Variants in SIM1 observed in about 807,000 individuals in gnomAD.
SIM1 encodes SIM bHLH transcription factor 1.
In SIM1, 18 loss-of-function variants were observed where a neutral mutation model predicts 78.2. The observed-to-expected ratio is 0.23, with a 90% CI of 0.16 to 0.34. The LOEUF is 0.34. SIM1 is among the 10% of genes least tolerant of loss of function. The pLI is 1.00. For synonymous variants in SIM1, 417 were observed against 385.2 expected (o/e 1.08, Z -0.97); for missense variants, 939 against 975.1 (o/e 0.96, Z 0.49).
At chr6:100,461,549 G>C (rs776824598) in intron 2 of SIM1, among the ~76,000 whole-genome samples, 1 of 152,228 alleles carries the variant, frequency 6.6e-6, no homozygotes, top group Non-Finnish European at 1.5e-5. Context: ...AATAATTGAC[G>C]AGACCGGCTG....
At chr6:100,426,770 C>T (rs1413080391) in intron 9 of SIM1, among the ~76,000 whole-genome samples, 1 of 152,168 alleles carries the variant, frequency 6.6e-6, no homozygotes, top group African/African-American at 2.4e-5. Context: ...ATTCCACTTT[C>T]ATTTTAGATT....
chr6:100,399,894 A>T (rs1770863783), intron 10 of SIM1, among the ~76,000 whole-genome samples: 1 of 152,078 alleles, frequency 6.6e-6, no homozygotes. Flanking sequence ...AAAAGGCTAA[A>T]AATAAAGGGA....
intron 3 of SIM1, among the ~76,000 whole-genome samples, chr6:100,451,233 C>A (rs1323633272): frequency 6.6e-6 from 1 of 152,102 alleles, no homozygotes; most frequent in Non-Finnish European, 1.5e-5. Flanking sequence ...GACAATCAGG[C>A]CTTAGGGGAG....
In SIM1 at chr6:100,388,035, C is replaced by T. The variant is rs1033326779; in HGVS notation, c.*2326G>A. On this transcript the variant is annotated 3_prime_UTR_variant, in exon 12 of 12. Transcript: ENST00000369208. ...TATCAATCTACAGAATTCTACAAAA[C>T]CTTTAGCATTCTTAAGACATTACTT... 2.0e-5 allele frequency: 3 copies of T among 152,132 alleles called. No homozygotes were observed. The highest frequency in any genetic ancestry group is 6.6e-5 in the Admixed American group (1 of 15,266). The allele number at this position is 152,132 out of a possible 1,614,324, so 9.4% of individuals were successfully genotyped here. A position where few individuals can be genotyped will look rare whatever the true frequency, so the allele number is the denominator to read the frequency against.
intron 10 of SIM1, among the ~76,000 whole-genome samples, chr6:100,414,101 A>G (rs1302700258): frequency 6.6e-6 from 1 of 152,242 alleles, no homozygotes; most frequent in African/African-American, 2.4e-5. Flanking sequence ...AATGGAGAAT[A>G]GTATGAACAG....
chr6:100,394,670 G>T (rs1213669033), intron 10 of SIM1, among the ~76,000 whole-genome samples: 2 of 152,068 alleles, frequency 1.3e-5, no homozygotes, highest in Non-Finnish European at 2.9e-5. Context: ...CTTTCAAAGT[G>T]CTGAGATTAC....
intron 2 of SIM1, among the ~76,000 whole-genome samples, chr6:100,459,936 G>A (rs1772793592): frequency 6.6e-6 from 1 of 152,110 alleles, no homozygotes; most frequent in Admixed American, 6.5e-5. Context: ...TGCCCCTCTG[G>A]CTTTGATAAT....
chr6:100,454,945 A>C (rs780620417), intron 2 of SIM1, among the ~76,000 whole-genome samples: 1 of 152,156 alleles, frequency 6.6e-6, no homozygotes, highest in Non-Finnish European at 1.5e-5. Flanking sequence ...TTATCCTTAC[A>C]CCATTAAACA....
chr6:100,447,022 A>T (rs1772373080), intron 9 of SIM1, among the ~76,000 whole-genome samples: 1 of 152,246 alleles, frequency 6.6e-6, no homozygotes, highest in African/African-American at 2.4e-5. Context: ...AAAAAGAAAG[A>T]GAAGAAAGCA....
rs570798590 is a variant in SIM1 at position 100,449,242 on chromosome 6, G to A, written c.543+121C>T. 1.5e-4 allele frequency: 114 copies of A among 767,202 alleles called. 1 individual carries two copies. In the African/African-American group the frequency reaches 1.6e-3, roughly 11 times the overall value. The allele number at this position is 767,202 out of a possible 1,614,324, so 47.5% of individuals were successfully genotyped here. A position where few individuals can be genotyped will look rare whatever the true frequency, so the allele number is the denominator to read the frequency against. On this transcript the variant is annotated intron_variant, in intron 6 of 11. Transcript: ENST00000369208. ...GGAGAGTCCTGGCCTGCGGCTCTTC[G>A]ACGCAAGCTGGGGGTGCCCTTGCGG...
At chr6:100,423,877 C>T (rs1295995478) in intron 9 of SIM1, among the ~76,000 whole-genome samples, 2 of 152,130 alleles carry the variant, frequency 1.3e-5, no homozygotes, top group African/African-American at 4.8e-5. Flanking sequence ...GGACAATAGT[C>T]CAGTAGACAT....
At chr6:100,402,520 G>T (rs1312753789) in intron 10 of SIM1, among the ~76,000 whole-genome samples, 1 of 148,152 alleles carries the variant, frequency 6.7e-6, no homozygotes, top group Non-Finnish European at 1.5e-5. Flanking sequence ...CCTGTGGATG[G>T]TTCTCCTAGC....
intron 10 of SIM1, among the ~76,000 whole-genome samples, chr6:100,398,136 A>G (rs1048239070): frequency 5.3e-5 from 8 of 152,132 alleles, no homozygotes; most frequent in African/African-American, 7.2e-5. Flanking sequence ...TGCAATTACT[A>G]TATGTAATCC....
chr6:100,392,596 G>T (rs1054472307), intron 11 of SIM1, among the ~76,000 whole-genome samples: 1 of 152,206 alleles, frequency 6.6e-6, no homozygotes, highest in South Asian at 2.1e-4. Context: ...AATAGAAACA[G>T]ATTAAAATTA....
chr6:100,393,371 T>A (rs1190440542), intron 11 of SIM1, 116 bp downstream of exon 11: 1 of 967,184 alleles, frequency 1.0e-6, no homozygotes, highest in East Asian at 2.9e-5. Flanking sequence ...TCCCATTGGT[T>A]CTGATTTGTA....
rs796303635 is a variant in SIM1 at position 100,385,290 on chromosome 6, A to T, written c.*5071T>A. 11 of 152,226 alleles carry T rather than the reference A, an allele frequency of 7.2e-5. No homozygotes were observed. Among genetic ancestry groups the T allele is most frequent in the African/African-American group, 2.6e-4 (11 of 41,572 alleles). The allele number at this position is 152,226 out of a possible 1,614,324, so 9.4% of individuals were successfully genotyped here. On this transcript the variant is annotated 3_prime_UTR_variant, in exon 12 of 12. Coordinates refer to ENST00000369208, the MANE Select transcript of SIM1 (RefSeq NM_005068.3). ...GCGATCAGTATCTTTTCTCACAAAT[A>T]TAATCCTTTTTATAGCACATTAGTC...
chr6:100,430,283 T>G (rs1054027530), intron 9 of SIM1, among the ~76,000 whole-genome samples: 50 of 152,218 alleles, frequency 3.3e-4, no homozygotes, highest in African/African-American at 1.1e-3. Flanking sequence ...CAGGTTGAAG[T>G]TGTACATTCG....
intron 10 of SIM1, among the ~76,000 whole-genome samples, chr6:100,404,031 T>G (rs1255259740): frequency 6.6e-6 from 1 of 152,184 alleles, no homozygotes; most frequent in Non-Finnish European, 1.5e-5. Flanking sequence ...CTACCCCCTA[T>G]GCAGTAATAG....
At chr6:100,414,930 G>A (rs2114496347) in intron 10 of SIM1, among the ~76,000 whole-genome samples, 1 of 152,304 alleles carries the variant, frequency 6.6e-6, no homozygotes, top group South Asian at 2.1e-4. Context: ...GATTATTTAA[G>A]GTAACAGATG....
Sources: gnomAD v4.1 joint callset for allele counts (sites outside exome capture counted in the v4.1 genomes callset) on GRCh38, gnomAD v4.1.1 for gene constraint, MANE v1.5 for transcripts, NCBI Gene and HGNC (gene_info 2026-07-23, HGNC 2026-07-21) for gene names.